DOCK3: variants seen among roughly 807,000 people sequenced by gnomAD.
DOCK3 encodes the protein dedicator of cytokinesis protein 3.
DOCK3 carries 60 observed loss-of-function variants against 265.6 expected under a neutral mutation model. That is an observed-to-expected ratio of 0.23 (90% CI 0.18 to 0.28). DOCK3 has a LOEUF of 0.28. DOCK3 is among the 10% of genes least tolerant of loss of function. The probability of loss-of-function intolerance (pLI) is 1.00; values close to 1 mark genes in which losing one functional copy is unlikely to be tolerated. For synonymous variants in DOCK3, 881 were observed against 938.0 expected, an observed-to-expected ratio of 0.94 and a Z score of 1.11; for missense variants, 1,981 against 2,594.3, an observed-to-expected ratio of 0.76 and a Z score of 5.14.
intron 4 of DOCK3, among the ~76,000 whole-genome samples, chr3:50,922,700 G>GT (rs2050553918): frequency 6.6e-6 from 1 of 150,552 alleles, no homozygotes; most frequent in Non-Finnish European, 1.5e-5. Flanking sequence ...TTGTACTTTT[G>GT]TTTTTTGTTC....
chr3:51,277,930 C>T (rs965286081), intron 26 of DOCK3, 176 bp downstream of exon 26: 1 of 985,258 alleles, frequency 1.0e-6, no homozygotes, highest in African/African-American at 1.7e-5. Flanking sequence ...ACTCTGAAAG[C>T]TCTAGGTTCA....
intron 9 of DOCK3, among the ~76,000 whole-genome samples, chr3:51,105,507 A>G (rs976951673): frequency 1.3e-5 from 2 of 152,252 alleles, no homozygotes; most frequent in Non-Finnish European, 2.9e-5. Context: ...GAAACAAATC[A>G]CATATCAACA....
chr3:50,698,571 A>ATCATATGG (rs1392466654), intron 1 of DOCK3, among the ~76,000 whole-genome samples: 3 of 98,322 alleles, frequency 3.1e-5, no homozygotes, highest in African/African-American at 1.3e-4. Context: ...GAATTGCTGG[A>ATCATATGG]TCATATGGTA....
intron 1 of DOCK3, among the ~76,000 whole-genome samples, chr3:50,726,222 A>G (rs570138506): frequency 3.3e-5 from 5 of 152,260 alleles, no homozygotes; most frequent in African/African-American, 1.2e-4. Flanking sequence ...TTGATTCACA[A>G]TTGGTTGAAT....
intron 2 of DOCK3, among the ~76,000 whole-genome samples, chr3:50,822,936 C>G (rs1354223246): frequency 6.6e-6 from 1 of 152,076 alleles, no homozygotes; most frequent in Non-Finnish European, 1.5e-5. Context: ...AAAAAGGCTT[C>G]TTGTAGCTAT....
chr3:51,139,263 G>A (rs556281482), intron 9 of DOCK3, among the ~76,000 whole-genome samples: 138 of 151,072 alleles, frequency 9.1e-4, no homozygotes, highest in African/African-American at 2.8e-3. Context: ...GTGGGGGGAG[G>A]GCTAAGATGT....
intron 14 of DOCK3, among the ~76,000 whole-genome samples, chr3:51,216,764 G>A (rs1033440348): frequency 2.6e-5 from 4 of 152,196 alleles, no homozygotes; most frequent in Non-Finnish European, 5.9e-5. Flanking sequence ...CAGGAAAAGT[G>A]TGCAGGAGTG....
At chr3:51,259,950 TAAG>T (rs2079763405) in intron 22 of DOCK3, among the ~76,000 whole-genome samples, 1 of 152,246 alleles carries the variant, frequency 6.6e-6, no homozygotes, top group Non-Finnish European at 1.5e-5. Context: ...ATTCTTTCAG[TAAG>T]AAGGTAGCTG....
intron 21 of DOCK3, among the ~76,000 whole-genome samples, chr3:51,240,618 G>T (rs142831871): frequency 1.3e-5 from 2 of 152,190 alleles, no homozygotes; most frequent in Non-Finnish European, 2.9e-5. Context: ...AGGTGCTCCT[G>T]TGTTGGGTGC....
intron 5 of DOCK3, among the ~76,000 whole-genome samples, chr3:51,007,346 G>A (rs2078723558): frequency 6.6e-6 from 1 of 152,156 alleles, no homozygotes; most frequent in African/African-American, 2.4e-5. Flanking sequence ...TCTCATTGTG[G>A]TTTTGATTTG....
At chr3:51,330,443 C>T (rs1426524122) in intron 33 of DOCK3, among the ~76,000 whole-genome samples, 1 of 152,184 alleles carries the variant, frequency 6.6e-6, no homozygotes, top group Non-Finnish European at 1.5e-5. Context: ...CAGGTAATCT[C>T]TGAGCTCCTG....
At chr3:50,736,927 C>T (rs1299102439) in intron 1 of DOCK3, among the ~76,000 whole-genome samples, 4 of 151,820 alleles carry the variant, frequency 2.6e-5, no homozygotes, top group Admixed American at 6.6e-5. Context: ...CTCCTGACCT[C>T]GTGATCCACC....
intron 39 of DOCK3, 148 bp downstream of exon 39, chr3:51,349,086 T>C: frequency 1.4e-6 from 1 of 734,640 alleles, no homozygotes; most frequent in Non-Finnish European, 2.2e-6. Context: ...ACTTGCAGTC[T>C]GACTAGGAAA....
chr3:51,306,908 T>G (rs2082717657), intron 27 of DOCK3, among the ~76,000 whole-genome samples: 1 of 152,230 alleles, frequency 6.6e-6, no homozygotes, highest in Non-Finnish European at 1.5e-5. Flanking sequence ...GGAAAAGTTT[T>G]TATTTACTTC....
intron 5 of DOCK3, among the ~76,000 whole-genome samples, chr3:50,987,866 G>A (rs2077960424): frequency 6.6e-6 from 1 of 152,148 alleles, no homozygotes; most frequent in Non-Finnish European, 1.5e-5. Context: ...CTCCGCTAGG[G>A]CCTTCAGTCT....
intron 2 of DOCK3, among the ~76,000 whole-genome samples, chr3:50,840,838 C>G (rs1469797771): frequency 6.6e-6 from 1 of 152,154 alleles, no homozygotes; most frequent in Non-Finnish European, 1.5e-5. Flanking sequence ...CAAGGCTCAT[C>G]TCTTTTGTTG....
At chr3:50,738,177 C>T (rs570105194) in intron 1 of DOCK3, among the ~76,000 whole-genome samples, 87 of 152,186 alleles carry the variant, frequency 5.7e-4, no homozygotes, top group African/African-American at 2.0e-3. Flanking sequence ...TGTGCCTGGC[C>T]CCTGGGTTCA....
At chr3:50,999,986 G>A (rs1387277823) in intron 5 of DOCK3, among the ~76,000 whole-genome samples, 2 of 152,148 alleles carry the variant, frequency 1.3e-5, no homozygotes, top group Admixed American at 6.5e-5. Flanking sequence ...GCTGGCCACT[G>A]CTTCAACACC....
intron 1 of DOCK3, among the ~76,000 whole-genome samples, chr3:50,729,017 C>A (rs1252084540): frequency 7.2e-6 from 1 of 138,366 alleles, no homozygotes; most frequent in Non-Finnish European, 1.6e-5. Context: ...AGCCACCGTG[C>A]CTGGCCTGTT....
Sources: allele counts gnomAD v4.1 joint callset (sites outside exome capture counted in the v4.1 genomes callset), GRCh38; gene constraint gnomAD v4.1.1; transcripts MANE v1.5; gene names NCBI Gene and HGNC (gene_info 2026-07-23, HGNC 2026-07-21).